CORO7: variants seen among roughly 807,000 people sequenced by gnomAD.
CORO7 encodes the protein coronin 7.
Under a neutral mutation model 126.6 loss-of-function variants are expected in CORO7, and 107 were observed. The ratio of observed to expected loss-of-function variants is 0.85; its 90% CI spans 0.72 to 0.99. The LOEUF (loss-of-function observed/expected upper bound fraction) is 0.99, where lower values mean the gene tolerates loss of function less well. Ranked by LOEUF, CORO7 falls within the 50% of genes least tolerant of loss-of-function variation. CORO7 has a pLI of 0.00. For synonymous variants in CORO7, 603 were observed against 536.8 expected, an observed-to-expected ratio of 1.12 and a Z score of -1.70; for missense variants, 1,314 against 1,255.8, an observed-to-expected ratio of 1.05 and a Z score of -0.70.
In CORO7 at chr16:4,362,464, A is replaced by G. The variant is rs1239025018; in HGVS notation, c.1402+148T>C. The G allele has an allele frequency of 4.3e-6, 6 of 1,409,346 alleles. No homozygotes were observed. Among genetic ancestry groups the G allele is most frequent in the Non-Finnish European group, 5.6e-6 (6 of 1,073,088 alleles). 87.3% of individuals were successfully genotyped at this position (1,409,346 alleles called of 1,614,324 possible). A position where few individuals can be genotyped will look rare whatever the true frequency, so the allele number is the denominator to read the frequency against. On this transcript the variant is annotated intron_variant, in intron 15 of 27. Coordinates refer to ENST00000251166, the MANE Select transcript of CORO7 (RefSeq NM_024535.5). The surrounding 1 kb of genome is among the most constrained non-coding windows in gnomAD (Gnocchi z 5.3). Reference sequence around the variant, plus strand: ...ACTCAGCCACCACACCCCAGCCCCCAGGACAAATGACCCTGCCAGTGAGTC... The same window carrying G: ...ACTCAGCCACCACACCCCAGCCCCCGGGACAAATGACCCTGCCAGTGAGTC...
intron 9 of CORO7, chr16:4,382,575 C>T (rs1012124108): frequency 6.3e-7 from 1 of 1,592,022 alleles, no homozygotes; most frequent in African/African-American, 1.3e-5. Flanking sequence ...ACGCCCCAGT[C>T]ACCCAGGCCC....
In CORO7 at chr16:4,388,015, C is replaced by T; in HGVS notation, c.756G>A (p.Leu252=). The change falls in exon 9 of 28, where the codon CTG becomes CTA. Residue 252 remains leucine, a synonymous_variant. Transcript: ENST00000251166. ...LWDTRFFSSA[L]ASLTLDTSLG... The stretch of plus-strand genomic sequence containing the variant: ...GCGAGGTGTCCAAGGTGAGGGAGGC[C>T]AGGGCGCTGGAGAAGAACCGCGTGT... 1 of 1,613,160 alleles carries T rather than the reference C, an allele frequency of 6.2e-7. No homozygotes were observed. The highest frequency in any genetic ancestry group is 1.1e-5 in the South Asian group (1 of 91,078).
At chr16:4,371,502 AGGGC>A (rs1462056769) in intron 9 of CORO7, among the ~76,000 whole-genome samples, 9 of 152,288 alleles carry the variant, frequency 5.9e-5, no homozygotes, top group South Asian at 2.1e-4. Flanking sequence ...CTGCCTCTCC[AGGGC>A]CGCAGAGGCC....
intron 10 of CORO7, 133 bp from the exon 11 acceptor site, chr16:4,365,193 A>G: frequency 7.1e-7 from 1 of 1,402,732 alleles, no homozygotes; most frequent in Non-Finnish European, 9.7e-7. Flanking sequence ...GGGGCTCCCC[A>G]ACATGCTGGG....
chr16:4,357,280 G>C, intron 25 of CORO7, 21 bp from the exon 26 acceptor site: 1 of 1,597,492 alleles, frequency 6.3e-7, no homozygotes, highest in Non-Finnish European at 8.5e-7. Flanking sequence ...GCAAGGACAC[G>C]TGTCAGAGAG....
At chr16:4,358,859 A>C (rs1049398930) in intron 23 of CORO7, 2 of 281,084 alleles carry the variant, frequency 7.1e-6, no homozygotes, top group Non-Finnish European at 1.3e-5. Context: ...AGAAGTGATA[A>C]ACTGAGTGTT....
At chr16:4,380,107 G>A (rs2054899938) in intron 9 of CORO7, among the ~76,000 whole-genome samples, 1 of 150,122 alleles carries the variant, frequency 6.7e-6, no homozygotes, top group Non-Finnish European at 1.5e-5. Flanking sequence ...GTTTTCCCAG[G>A]CCTGGCACTG....
Position 4,359,335 on chromosome 16 carries a change from G to A in CORO7, c.2301C>T (p.Phe767=), listed in dbSNP as rs2054083971. The A allele has an allele frequency of 6.2e-7, 1 of 1,612,608 alleles. No individual in the cohort carries two copies. Among genetic ancestry groups the A allele is most frequent in the Admixed American group, 1.7e-5 (1 of 59,876 alleles). ...LYELLPESPF[F]LECNSFTSPD... is the part of the protein sequence containing the mutation. Reference sequence around the variant, plus strand: ...GCGACGTGAAGCTGTTGCACTCCAGGAAGAAAGGGGACTCGGGGAGCAGCT... The same window carrying A: ...GCGACGTGAAGCTGTTGCACTCCAGAAAGAAAGGGGACTCGGGGAGCAGCT... The change falls in exon 23 of 28, where the codon TTC becomes TTT. Residue 767 remains phenylalanine (F), a synonymous_variant. Transcript: ENST00000251166.
intron 6 of CORO7, among the ~76,000 whole-genome samples, chr16:4,405,252 G>A (rs1030562993): frequency 1.3e-5 from 2 of 152,240 alleles, no homozygotes; most frequent in South Asian, 4.1e-4. Context: ...CGACATTAGG[G>A]CGCAAACCAG....
chr16:4,388,100 G>T, intron 8 of CORO7, 32 bp from the exon 9 acceptor site: 1 of 1,598,120 alleles, frequency 6.3e-7, no homozygotes, highest in Non-Finnish European at 8.5e-7. Context: ...GGCTCAGAGG[G>T]GCCTGTCCCT....
intron 14 of CORO7, chr16:4,363,081 A>C (rs531945864): frequency 4.7e-6 from 1 of 211,196 alleles, no homozygotes; most frequent in Non-Finnish European, 9.3e-6. Flanking sequence ...TTTAGAAAGC[A>C]CTGTGCAAGT....
chr16:4,371,295 A>T (rs1404498558), intron 9 of CORO7, among the ~76,000 whole-genome samples: 1 of 152,244 alleles, frequency 6.6e-6, no homozygotes, highest in Non-Finnish European at 1.5e-5. Context: ...ATTGGAGTTT[A>T]TACTTAGGAG....
intron 9 of CORO7, chr16:4,383,044 C>A (rs1294592478): frequency 2.2e-6 from 2 of 893,238 alleles, no homozygotes; most frequent in South Asian, 2.0e-5. Context: ...GGGCCCTGTT[C>A]CCTCTGGACC....
chr16:4,375,121 C>T (rs540716038), intron 9 of CORO7, among the ~76,000 whole-genome samples: 158 of 151,974 alleles, frequency 1.0e-3, no homozygotes, highest in African/African-American at 3.7e-3. Context: ...TACGATGGCA[C>T]GTCCCACCGC....
intron 5 of CORO7, among the ~76,000 whole-genome samples, chr16:4,405,972 A>C (rs1248244750): frequency 6.6e-6 from 1 of 152,188 alleles, no homozygotes; most frequent in Non-Finnish European, 1.5e-5. Flanking sequence ...GTTCCAGGTT[A>C]AATTGTGCTC....
At chr16:4,381,427 C>T (rs773302020) in intron 9 of CORO7, 3 of 1,581,316 alleles carry the variant, frequency 1.9e-6, no homozygotes, top group Non-Finnish European at 2.6e-6. Flanking sequence ...CCTCCTGGCC[C>T]TGGAGCCCGG....
At chr16:4,383,104 G>A (rs758024548) in intron 9 of CORO7, 7 of 596,892 alleles carry the variant, frequency 1.2e-5, no homozygotes, top group African/African-American at 7.8e-5. Context: ...GAGCCCTAAC[G>A]TCCCCAGAAC....
chr16:4,373,632 G>A lies in CORO7; in HGVS notation c.786-8087C>T, dbSNP rs146302980. ...TGCCCCGGGCAGGAGATGGGTCCGC[G>A]GCTCCTAGCTCCCATTACTGTCACC... On this transcript the variant is annotated intron_variant, in intron 9 of 27. Coordinates refer to ENST00000251166, the MANE Select transcript of CORO7 (RefSeq NM_024535.5). Among the ~76,000 whole-genome samples the A allele has an allele frequency of 3.3e-3, 504 of 152,274 alleles. 5 individuals are homozygous for A. The highest frequency in any genetic ancestry group is 0.012 in the African/African-American group (482 of 41,536).
chr16:4,415,786 G>C (rs2141344848), intron 1 of CORO7: 1 of 985,604 alleles, frequency 1.0e-6, no homozygotes, highest in Admixed American at 6.1e-5. Context: ...TCCTCCTGCC[G>C]TTTCGGGGGT....
Sources: allele counts gnomAD v4.1 joint callset (sites outside exome capture counted in the v4.1 genomes callset), GRCh38; gene constraint gnomAD v4.1.1; non-coding constraint Gnocchi (gnomAD v3.1); transcripts MANE v1.5; gene names NCBI Gene and HGNC (gene_info 2026-07-23, HGNC 2026-07-21).